The following PCNX4 variants were observed in gnomAD, a reference collection of about 807,000 sequenced individuals.
PCNX4 encodes pecanex 4, also known as pecanex-like protein 4.
In PCNX4, 103 loss-of-function variants were observed where a neutral mutation model predicts 107.2. The observed-to-expected ratio is 0.96, with a 90% CI of 0.82 to 1.13. The LOEUF (loss-of-function observed/expected upper bound fraction) is 1.13, where lower values mean the gene tolerates loss of function less well. Among genes scored for constraint, PCNX4 ranks in the 50% most tolerant of loss-of-function variants. PCNX4 has a pLI of 0.00. For synonymous variants in PCNX4, 541 were observed against 481.7 expected, an observed-to-expected ratio of 1.12 and a Z score of -1.61; for missense variants, 1,528 against 1,379.4, an observed-to-expected ratio of 1.11 and a Z score of -1.71.
At chr14:60,131,374 G>C (rs1896151932) in intron 10 of PCNX4, among the ~76,000 whole-genome samples, 1 of 152,146 alleles carries the variant, frequency 6.6e-6, no homozygotes, top group African/African-American at 2.4e-5. Context: ...ATGGTTGCAA[G>C]ATATAAGATC....
chr14:60,099,716 A>G (rs1895492930), intron 1 of PCNX4, among the ~76,000 whole-genome samples: 1 of 152,202 alleles, frequency 6.6e-6, no homozygotes, highest in African/African-American at 2.4e-5. Context: ...ACAACTATCA[A>G]AATTTAAATA....
At position 60,142,969 on chromosome 14, in the gene PCNX4, G is replaced by A. The variant is rs376391; in HGVS notation, c.*8748G>A. The A allele has an allele frequency of 0.28, 41,866 of 150,278 alleles. 7,895 individuals carry two copies. The highest frequency in any genetic ancestry group is 0.54 in the African/African-American group (21,949 of 41,010). The allele number at this position is 150,278 out of a possible 1,614,324, so 9.3% of individuals were successfully genotyped here. A position where few individuals can be genotyped will look rare whatever the true frequency, so the allele number is the denominator to read the frequency against. ...ACACAGTAAGACTCCATCTCCAAAA[G>A]AAAGAAAGAAAGAAAGAAAAAAATG... On this transcript the variant is annotated 3_prime_UTR_variant, in exon 11 of 11. Transcript: ENST00000406854. This position sits in a 1 kb window ranked among gnomAD's most constrained non-coding sequence, Gnocchi z 4.7.
rs1263820064 is a variant in PCNX4 at position 60,115,983 on chromosome 14, G to A, written c.1501G>A (p.Val501Ile). ...AAATGCTTTATTGGAGACAGTCATT[G>A]TATCAACAGTACACTTGATCTCCAG... ...TENALLETVIVSTVHLISSTD... is the reference protein window; with the variant it reads ...TENALLETVIISTVHLISSTD... The change falls in exon 6 of 11, where the codon GTA (valine) becomes ATA (isoleucine). Residue 501 changes from valine to isoleucine, a missense_variant. Coordinates refer to ENST00000406854, the MANE Select transcript of PCNX4 (RefSeq NM_001330177.2). The A allele has an allele frequency of 6.2e-7, 1 of 1,612,398 alleles. No homozygotes were observed. The highest frequency in any genetic ancestry group is 2.2e-5 in the East Asian group (1 of 44,842).
At chr14:60,125,555 AATATTG>A in intron 9 of PCNX4, 76 bp from the exon 10 acceptor site, 1 of 1,042,538 alleles carries the variant, frequency 9.6e-7, no homozygotes. Flanking sequence ...AATGTCTTAA[AATATTG>A]GTTTAACAAA....
At position 60,134,347 on chromosome 14, in the gene PCNX4, G is replaced by A. The variant is rs899722572; in HGVS notation, c.*126G>A. On this transcript the variant is annotated 3_prime_UTR_variant, in exon 11 of 11. Coordinates refer to ENST00000406854, the MANE Select transcript of PCNX4 (RefSeq NM_001330177.2). ...CATTCAGATGCCTGAGAACAGCTAA[G>A]CTCCGTAAAGTTGGTTCTCTTAGCC... 4.4e-5 allele frequency: 53 copies of A among 1,214,818 alleles called. No individual in the cohort carries two copies. Among genetic ancestry groups the A allele is most frequent in the Middle Eastern group, 2.3e-4 (1 of 4,272 alleles). The allele number at this position is 1,214,818 out of a possible 1,614,324, so 75.3% of individuals were successfully genotyped here.
At chr14:60,116,893 T>TAG (rs1895859555) in intron 6 of PCNX4, among the ~76,000 whole-genome samples, 1 of 152,182 alleles carries the variant, frequency 6.6e-6, no homozygotes, top group Non-Finnish European at 1.5e-5. Flanking sequence ...GACTGATACG[T>TAG]GTTTTTGTAT....
chr14:60,118,813 G>A, intron 7 of PCNX4, 121 bp downstream of exon 7: 3 of 1,097,964 alleles, frequency 2.7e-6, no homozygotes, highest in Non-Finnish European at 3.6e-6. Context: ...ATAACAATTT[G>A]ATGTGTAGGC....
chr14:60,119,483 T>C (rs1044682657), intron 7 of PCNX4, among the ~76,000 whole-genome samples: 3 of 152,202 alleles, frequency 2.0e-5, no homozygotes, highest in Admixed American at 6.5e-5. Context: ...ATTAGAATTT[T>C]AATAAAATGC....
In PCNX4 at chr14:60,115,055, C is replaced by T. The variant is rs780635782; in HGVS notation, c.951C>T (p.Phe317=). ...CAAGCACTGTTGGTGTGGTTCTTTT[C>T]ATGACTGGATTTGGTTTCTTGCTGA... is the stretch of plus-strand genomic sequence containing the variant. ...FIPSTVGVVL[F]MTGFGFLLSL... Residue 317 remains phenylalanine, a synonymous_variant, in exon 4 of 11, where the codon TTC becomes TTT. Transcript: ENST00000406854. 4.3e-6 allele frequency: 7 copies of T among 1,613,532 alleles called. No individual in the cohort carries two copies. The African/African-American group carries it at 6.7e-5, about 15-fold the overall frequency.
chr14:60,122,189 T>A (rs766425713), intron 8 of PCNX4, among the ~76,000 whole-genome samples: 1 of 152,194 alleles, frequency 6.6e-6, no homozygotes, highest in Admixed American at 6.5e-5. Context: ...CTTACCTGGA[T>A]AATTGAAATA....
intron 1 of PCNX4, among the ~76,000 whole-genome samples, chr14:60,093,954 A>G (rs1175462557): frequency 1.3e-5 from 2 of 152,188 alleles, no homozygotes; most frequent in East Asian, 3.8e-4. Context: ...GATGTTGAGT[A>G]TCATTTTATA....
In PCNX4 at chr14:60,124,716, A is replaced by T; in HGVS notation, c.2545A>T (p.Thr849Ser). The change falls in exon 9 of 11, where the codon ACA (threonine) becomes TCA (serine). Residue 849 changes from threonine (T) to serine (S), a missense_variant. Transcript: ENST00000406854. ...EKHQLKDLPG[T>S]NLFIPGSVES... ...ACATCAGTTGAAAGATTTGCCAGGT[A>T]CAAATTTGTTTATTCCAGGATCAGT... The T allele has an allele frequency of 6.2e-7, 1 of 1,613,048 alleles. No individual in the cohort carries two copies. The highest frequency in any genetic ancestry group is 1.7e-5 in the Admixed American group (1 of 60,008).
intron 1 of PCNX4, among the ~76,000 whole-genome samples, chr14:60,103,599 G>A (rs910470146): frequency 6.6e-6 from 1 of 152,102 alleles, no homozygotes; most frequent in East Asian, 1.9e-4. Flanking sequence ...CATTCTCTTT[G>A]TGCTTCTTGG....
At chr14:60,129,474 G>A (rs1896115949) in intron 10 of PCNX4, among the ~76,000 whole-genome samples, 1 of 151,630 alleles carries the variant, frequency 6.6e-6, no homozygotes, top group African/African-American at 2.4e-5. Context: ...AGGACTACTT[G>A]AGCCAGGTGT....
intron 1 of PCNX4, among the ~76,000 whole-genome samples, chr14:60,100,546 A>G (rs1485253466): frequency 2.6e-5 from 4 of 152,204 alleles, no homozygotes; most frequent in South Asian, 2.1e-4. Flanking sequence ...TGATCTGCCC[A>G]CCTCAGCCTC....
chr14:60,107,091 TAAAA>T (rs1229858449), intron 1 of PCNX4, among the ~76,000 whole-genome samples: 1 of 152,002 alleles, frequency 6.6e-6, no homozygotes, highest in Non-Finnish European at 1.5e-5. Context: ...TTTAAAAAAA[TAAAA>T]AACAAGGCTG....
chr14:60,119,512 T>G (rs1209420112), intron 7 of PCNX4, among the ~76,000 whole-genome samples: 1 of 152,218 alleles, frequency 6.6e-6, no homozygotes, highest in African/African-American at 2.4e-5. Flanking sequence ...GGTTGAACTT[T>G]TCTAATTATT....
chr14:60,124,315 G>C lies in PCNX4; in HGVS notation c.2144G>C (p.Cys715Ser), dbSNP rs1475652102. ...TTTGAGCAAGAATACACAAGAGTAT[G>C]TTCCCTTAATGAACACTTTGGAAAT... ...DAFEQEYTRVCSLNEHFGNVL... is the reference protein window; with the variant it reads ...DAFEQEYTRVSSLNEHFGNVL... The change falls in exon 9 of 11, where the codon TGT becomes TCT. Residue 715 changes from cysteine (C) to serine (S), a missense_variant. Physicochemically the swap from Cys to Ser is moderately radical, Grantham distance 112. Transcript: ENST00000406854. The C allele has an allele frequency of 1.9e-6, 3 of 1,611,404 alleles. No individual in the cohort carries two copies. The highest frequency in any genetic ancestry group is 2.5e-6 in the Non-Finnish European group (3 of 1,178,548).
chr14:60,136,374 A>G lies in PCNX4; in HGVS notation c.*2153A>G, dbSNP rs1896240373. On this transcript the variant is annotated 3_prime_UTR_variant, in exon 11 of 11. Coordinates refer to ENST00000406854, the MANE Select transcript of PCNX4 (RefSeq NM_001330177.2). ...CCCCCTTTGTGTTTCTGCAATCACC[A>G]TAGATAATCTCATCTACTTCAAGAC... 2 of 152,222 alleles carry G rather than the reference A, an allele frequency of 1.3e-5. No individual in the cohort carries two copies. Among genetic ancestry groups the G allele is most frequent in the African/African-American group, 2.4e-5 (1 of 41,464 alleles). The allele number at this position is 152,222 out of a possible 1,614,324, so 9.4% of individuals were successfully genotyped here.
Sources: gnomAD v4.1 joint callset for allele counts (sites outside exome capture counted in the v4.1 genomes callset) on GRCh38, gnomAD v4.1.1 for gene constraint, Gnocchi (gnomAD v3.1) non-coding constraint, MANE v1.5 for transcripts, NCBI Gene and HGNC (gene_info 2026-07-23, HGNC 2026-07-21) for gene names.